Variants in PTPN4 observed in about 807,000 individuals in gnomAD.
PTPN4 encodes tyrosine-protein phosphatase non-receptor type 4.
A neutral mutation model predicts 135.5 loss-of-function variants in PTPN4; 49 were observed. The ratio of observed to expected loss-of-function variants is 0.36; its 90% CI spans 0.29 to 0.46. The LOEUF is 0.46. PTPN4 is among the 20% of genes least tolerant of loss of function. PTPN4 has a pLI of 1.00. For synonymous variants in PTPN4, 333 were observed against 369.9 expected (o/e 0.90, Z 1.14); for missense variants, 860 against 1,101.0 (o/e 0.78, Z 3.10).
intron 3 of PTPN4, among the ~76,000 whole-genome samples, chr2:119,874,618 G>A (rs972140326): frequency 6.6e-6 from 1 of 152,106 alleles, no homozygotes; most frequent in Admixed American, 6.6e-5. Context: ...AACAGGGAAG[G>A]GTACATTGAG....
intron 26 of PTPN4, among the ~76,000 whole-genome samples, chr2:119,969,620 G>A (rs1018720782): frequency 7.0e-6 from 1 of 143,548 alleles, no homozygotes; most frequent in Non-Finnish European, 1.5e-5. Flanking sequence ...GTGCAGTGGC[G>A]CGATCTCAGC....
intron 19 of PTPN4, among the ~76,000 whole-genome samples, chr2:119,953,756 A>T (rs1370842671): frequency 1.3e-5 from 2 of 152,170 alleles, no homozygotes; most frequent in African/African-American, 4.8e-5. Flanking sequence ...GAGATTGATG[A>T]ATTATCCCCA....
At chr2:119,906,459 T>C (rs1420773961) in intron 10 of PTPN4, among the ~76,000 whole-genome samples, 1 of 152,238 alleles carries the variant, frequency 6.6e-6, no homozygotes, top group Non-Finnish European at 1.5e-5. Context: ...TTCACGTATC[T>C]ACACGTGATC....
chr2:119,801,610 C>T (rs983172772), intron 1 of PTPN4, among the ~76,000 whole-genome samples: 9 of 152,048 alleles, frequency 5.9e-5, no homozygotes, highest in Non-Finnish European at 1.0e-4. Context: ...CATAGAAGTT[C>T]TCTATGTGTT....
At chr2:119,911,706 A>G (rs1368876249) in intron 10 of PTPN4, among the ~76,000 whole-genome samples, 1 of 152,158 alleles carries the variant, frequency 6.6e-6, no homozygotes, top group Non-Finnish European at 1.5e-5. Flanking sequence ...AGAAAAAAGT[A>G]TAATGGCTTT....
chr2:119,976,892 A>C, intron 26 of PTPN4, 92 bp from the exon 27 acceptor site: 4 of 1,512,328 alleles, frequency 2.6e-6, no homozygotes, highest in African/African-American at 1.4e-5. Flanking sequence ...TTAAGTAAGC[A>C]AGCCAAGTGA....
At chr2:119,940,876 T>C (rs973084624) in intron 15 of PTPN4, among the ~76,000 whole-genome samples, 1 of 152,222 alleles carries the variant, frequency 6.6e-6, no homozygotes, top group Non-Finnish European at 1.5e-5. Flanking sequence ...TTTTTAAAAG[T>C]AATAAAATAA....
At chr2:119,803,211 T>A (rs1386501203) in intron 1 of PTPN4, among the ~76,000 whole-genome samples, 1 of 152,192 alleles carries the variant, frequency 6.6e-6, no homozygotes, top group African/African-American at 2.4e-5. Context: ...ATTTCCTTCC[T>A]TCTGTTTGCT....
intron 2 of PTPN4, among the ~76,000 whole-genome samples, chr2:119,812,793 G>T (rs954198489): frequency 1.2e-4 from 18 of 152,268 alleles, no homozygotes; most frequent in African/African-American, 4.1e-4. Context: ...AAATATGTTT[G>T]CATTAAATAC....
At chr2:119,930,829 GT>G (rs533782080) in intron 13 of PTPN4, among the ~76,000 whole-genome samples, 222 of 138,248 alleles carry the variant, frequency 1.6e-3, no homozygotes, top group Non-Finnish European at 1.9e-3. Context: ...CTTGGTAATT[GT>G]TTTTTTTTTT....
chr2:119,830,550 C>T (rs1558738574), intron 2 of PTPN4, among the ~76,000 whole-genome samples: 1 of 152,120 alleles, frequency 6.6e-6, no homozygotes, highest in Non-Finnish European at 1.5e-5. Context: ...CTCAGTGCAG[C>T]CTCAGCCTTC....
chr2:119,825,710 G>C (rs1282189740), intron 2 of PTPN4, among the ~76,000 whole-genome samples: 5 of 151,938 alleles, frequency 3.3e-5, no homozygotes, highest in Non-Finnish European at 5.9e-5. Flanking sequence ...TGGGCAGGTT[G>C]GTCTCGAACT....
chr2:119,819,024 T>G (rs905045830), intron 2 of PTPN4, among the ~76,000 whole-genome samples: 33 of 152,228 alleles, frequency 2.2e-4, no homozygotes, highest in African/African-American at 7.7e-4. Flanking sequence ...GGCAATTTCA[T>G]GTGTATTTTT....
At chr2:119,774,727 C>T (rs1222427409) in intron 1 of PTPN4, among the ~76,000 whole-genome samples, 1 of 151,696 alleles carries the variant, frequency 6.6e-6, no homozygotes, top group Non-Finnish European at 1.5e-5. Context: ...CCTAGGCACC[C>T]TTAAGAAAAT....
In PTPN4 at chr2:119,968,743, G is replaced by A. The variant is rs182875534; in HGVS notation, c.2694+771G>A. 1.9e-3 allele frequency among the ~76,000 whole-genome samples: 290 copies of A among 152,228 alleles called. 1 individual carries two copies. Among genetic ancestry groups the A allele is most frequent in the Admixed American group, 3.2e-3 (49 of 15,294 alleles). Reference sequence around the variant, plus strand: ...GGAGGCGGAGCTTGCAGTGAGCCGAGATTGCGCCACTGTACTCCAGCCTGG... The same window carrying A: ...GGAGGCGGAGCTTGCAGTGAGCCGAAATTGCGCCACTGTACTCCAGCCTGG... On this transcript the variant is annotated intron_variant, in intron 26 of 26. Coordinates refer to ENST00000263708, the MANE Select transcript of PTPN4 (RefSeq NM_002830.4).
At chr2:119,785,734 TTG>T (rs202103705) in intron 1 of PTPN4, among the ~76,000 whole-genome samples, 83 of 151,494 alleles carry the variant, frequency 5.5e-4, no homozygotes, top group African/African-American at 1.9e-3. Flanking sequence ...CGTGTTTGCT[TTG>T]TGTGTGTGTG....
chr2:119,824,589 A>G (rs1677120364), intron 2 of PTPN4, among the ~76,000 whole-genome samples: 1 of 152,104 alleles, frequency 6.6e-6, no homozygotes, highest in East Asian at 1.9e-4. Context: ...TATAATTTTT[A>G]TCTTTTGTAT....
chr2:119,863,660 A>G (rs189968338), intron 3 of PTPN4, among the ~76,000 whole-genome samples: 1 of 152,200 alleles, frequency 6.6e-6, no homozygotes. Flanking sequence ...ACTACCACTT[A>G]TTTTTTTGAC....
chr2:119,847,467 A>G (rs1220917247), intron 2 of PTPN4, among the ~76,000 whole-genome samples: 1 of 151,594 alleles, frequency 6.6e-6, no homozygotes, highest in Non-Finnish European at 1.5e-5. Context: ...AGCTGGGATT[A>G]CAGGCATGCA....
Sources: gnomAD v4.1 joint callset for allele counts (sites outside exome capture counted in the v4.1 genomes callset) on GRCh38, gnomAD v4.1.1 for gene constraint, MANE v1.5 for transcripts, NCBI Gene and HGNC (gene_info 2026-07-23, HGNC 2026-07-21) for gene names.